GRID2: variants seen among roughly 807,000 people sequenced by gnomAD.
GRID2 encodes glutamate ionotropic receptor delta type subunit 2, also known as glutamate receptor ionotropic, delta-2.
GRID2 carries 33 observed loss-of-function variants against 114.8 expected under a neutral mutation model. That is an observed-to-expected ratio of 0.29 (90% CI 0.22 to 0.38). The LOEUF (loss-of-function observed/expected upper bound fraction) is 0.38. Among genes scored for constraint, GRID2 ranks in the 10% least tolerant of loss-of-function variants. GRID2 has a pLI of 1.00. For missense variants in GRID2, 1,184 were observed against 1,257.7 expected, an observed-to-expected ratio of 0.94 and a Z score of 0.89; for synonymous variants, 505 against 449.9, an observed-to-expected ratio of 1.12 and a Z score of -1.55.
In GRID2 at chr4:93,449,051, A is replaced by G. The variant is rs989065815; in HGVS notation, c.1546-6611A>G. Among the ~76,000 whole-genome samples the G allele has an allele frequency of 8.4e-5, 12 of 143,478 alleles. No individual in the cohort carries two copies. In the East Asian group the frequency reaches 2.5e-3, roughly 29 times the overall value. The allele number at this position is 143,478 out of a possible 152,430, so 94.1% of individuals were successfully genotyped here. On this transcript the variant is annotated intron_variant, in intron 10 of 15. Coordinates refer to ENST00000282020, the MANE Select transcript of GRID2 (RefSeq NM_001510.4). Reference sequence around the variant, plus strand: ...TCTTCCTTCCTTTAGCATTTCTTCAATCCTTACTTTCTCCCAAGCAAACCT... The same window carrying G: ...TCTTCCTTCCTTTAGCATTTCTTCAGTCCTTACTTTCTCCCAAGCAAACCT...
At chr4:93,488,142 T>C (rs990581867) in intron 11 of GRID2, among the ~76,000 whole-genome samples, 5 of 151,976 alleles carry the variant, frequency 3.3e-5, no homozygotes, top group Non-Finnish European at 7.4e-5. Context: ...TTATACATAT[T>C]AACATCTTTT....
intron 2 of GRID2, among the ~76,000 whole-genome samples, chr4:92,949,165 TGA>T (rs374366766): frequency 1.8e-4 from 27 of 150,504 alleles, no homozygotes; most frequent in African/African-American, 5.8e-4. Context: ...TGTGTGTGTG[TGA>T]GAGAGAGAGA....
intron 1 of GRID2, 75 bp from the exon 2 acceptor site, chr4:92,590,056 C>T: frequency 1.0e-6 from 1 of 984,130 alleles, no homozygotes; most frequent in Middle Eastern, 2.1e-4. Flanking sequence ...ACACATAAGT[C>T]TCCTTGTCAT....
intron 2 of GRID2, among the ~76,000 whole-genome samples, chr4:92,994,610 C>T (rs1345710625): frequency 6.6e-6 from 1 of 152,162 alleles, no homozygotes; most frequent in Non-Finnish European, 1.5e-5. Context: ...AGGCATGAGC[C>T]ACCATGCCCA....
intron 13 of GRID2, among the ~76,000 whole-genome samples, chr4:93,552,126 G>A (rs868412504): frequency 3.5e-4 from 53 of 149,620 alleles, no homozygotes; most frequent in African/African-American, 1.1e-3. Context: ...GAGAACATGC[G>A]GTGTTTGGTT....
intron 11 of GRID2, among the ~76,000 whole-genome samples, chr4:93,461,373 G>A (rs1723725100): frequency 6.6e-6 from 1 of 152,010 alleles, no homozygotes; most frequent in South Asian, 2.1e-4. Flanking sequence ...CAATGACAGT[G>A]TCCATGTATA....
chr4:93,733,583 T>C (rs1730671776), intron 14 of GRID2, among the ~76,000 whole-genome samples: 1 of 152,128 alleles, frequency 6.6e-6, no homozygotes, highest in African/African-American at 2.4e-5. Flanking sequence ...TCTGTCTGTC[T>C]ACCTACCTAC....
At chr4:93,115,847 T>A (rs1733194048) in intron 4 of GRID2, among the ~76,000 whole-genome samples, 1 of 151,950 alleles carries the variant, frequency 6.6e-6, no homozygotes, top group Non-Finnish European at 1.5e-5. Flanking sequence ...TTCAATTACC[T>A]CCCCCAGGTC....
intron 4 of GRID2, among the ~76,000 whole-genome samples, chr4:93,168,660 A>T (rs1199271882): frequency 6.6e-6 from 1 of 152,178 alleles, no homozygotes; most frequent in Non-Finnish European, 1.5e-5. Context: ...TAGCAAAAAT[A>T]AAAACAGAGT....
chr4:93,593,387 C>T (rs1462978300), intron 13 of GRID2, among the ~76,000 whole-genome samples: 2 of 134,098 alleles, frequency 1.5e-5, no homozygotes, highest in Non-Finnish European at 3.2e-5. Context: ...TTGGCCCCCA[C>T]TCTCTTCTGG....
intron 2 of GRID2, among the ~76,000 whole-genome samples, chr4:92,684,115 A>G (rs1231289822): frequency 1.3e-5 from 2 of 152,052 alleles, no homozygotes; most frequent in African/African-American, 4.8e-5. Flanking sequence ...AAAGTAGAAT[A>G]CCATTATGTA....
chr4:92,764,999 C>T (rs1482772326), intron 2 of GRID2, among the ~76,000 whole-genome samples: 1 of 152,092 alleles, frequency 6.6e-6, no homozygotes, highest in African/African-American at 2.4e-5. Flanking sequence ...AACTCATTCC[C>T]TCTTTATAAC....
At chr4:92,564,085 C>T (rs375713977) in intron 1 of GRID2, among the ~76,000 whole-genome samples, 1 of 152,032 alleles carries the variant, frequency 6.6e-6, no homozygotes, top group South Asian at 2.1e-4. Context: ...GATTATGTCA[C>T]ATTTTATTAC....
At position 93,241,855 on chromosome 4, in the gene GRID2, A is replaced by C. The variant is rs1001489654; in HGVS notation, c.1245+3365A>C. The stretch of plus-strand genomic sequence containing the variant: ...GGGTAGTAATTAAATGACTTTGTGA[A>C]GTTGTTGGGAGAGATTTTTTACAAT... On this transcript the variant is annotated intron_variant, in intron 8 of 15. Coordinates refer to ENST00000282020, the MANE Select transcript of GRID2 (RefSeq NM_001510.4). Among the ~76,000 whole-genome samples, 3 of 151,756 alleles carry C rather than the reference A, an allele frequency of 2.0e-5. No homozygotes were observed. The Admixed American group carries it at 2.0e-4, about 10-fold the overall frequency.
intron 12 of GRID2, among the ~76,000 whole-genome samples, chr4:93,505,444 G>T (rs1265118003): frequency 1.3e-5 from 2 of 151,578 alleles, no homozygotes; most frequent in Non-Finnish European, 2.9e-5. Context: ...TCTTCCTAGT[G>T]TCTTGAGATA....
chr4:92,659,919 C>A (rs1355298936), intron 2 of GRID2, among the ~76,000 whole-genome samples: 1 of 151,468 alleles, frequency 6.6e-6, no homozygotes, highest in Admixed American at 6.6e-5. Context: ...GCAATAAAAT[C>A]TGTTAGATAG....
rs35393320 is a variant in GRID2 at position 92,763,980 on chromosome 4, T to TA, written c.244+173702dup. ...CTGCTAAAGAAAAATTTATTTATGT[T>TA]AAAAAAAACGTTAAAGGCAGGAAGT... is the stretch of plus-strand genomic sequence containing the variant. On this transcript the variant is annotated intron_variant, in intron 2 of 15. Transcript: ENST00000282020. Among the ~76,000 whole-genome samples the TA allele has an allele frequency of 3.9e-4, 60 of 152,018 alleles. 1 individual carries two copies. In the East Asian group the frequency reaches 6.8e-3, roughly 17 times the overall value.
chr4:93,544,784 A>C (rs915754677), intron 13 of GRID2, among the ~76,000 whole-genome samples: 7 of 151,756 alleles, frequency 4.6e-5, no homozygotes, highest in Non-Finnish European at 7.4e-5. Flanking sequence ...TCTGGAAAAA[A>C]AAAAAAAGAA....
At chr4:93,390,744 T>C (rs996217858) in intron 8 of GRID2, among the ~76,000 whole-genome samples, 7 of 152,180 alleles carry the variant, frequency 4.6e-5, no homozygotes, top group African/African-American at 1.7e-4. Flanking sequence ...GTGATTATTA[T>C]GACTGCATAA....
Sources: allele counts gnomAD v4.1 joint callset (sites outside exome capture counted in the v4.1 genomes callset), GRCh38; gene constraint gnomAD v4.1.1; transcripts MANE v1.5; gene names NCBI Gene and HGNC (gene_info 2026-07-23, HGNC 2026-07-21).